Variants in CLSTN2 observed in about 807,000 individuals in gnomAD.
The protein encoded by CLSTN2 is calsyntenin-2.
In CLSTN2, 48 loss-of-function variants were observed where a neutral mutation model predicts 101.2. The ratio of observed to expected loss-of-function variants is 0.47; its 90% CI spans 0.38 to 0.60. The LOEUF is 0.60. CLSTN2 is among the 20% of genes least tolerant of loss of function. The pLI is 0.00. For missense variants in CLSTN2, 1,160 were observed against 1,238.2 expected, an observed-to-expected ratio of 0.94 and a Z score of 0.95; for synonymous variants, 481 against 463.6, an observed-to-expected ratio of 1.04 and a Z score of -0.48.
At chr3:140,517,671 C>G (rs58159053) in intron 8 of CLSTN2, among the ~76,000 whole-genome samples, 2 of 152,044 alleles carry the variant, frequency 1.3e-5, no homozygotes, top group Admixed American at 1.3e-4. Flanking sequence ...TGATGTGAAC[C>G]GTCTTCAGTT....
At chr3:140,250,039 T>G (rs2107874761) in intron 2 of CLSTN2, among the ~76,000 whole-genome samples, 1 of 152,328 alleles carries the variant, frequency 6.6e-6, no homozygotes, top group Non-Finnish European at 1.5e-5. Context: ...TTGCAAATAT[T>G]CCTTTTCAAG....
chr3:140,353,053 A>T (rs1281728524), intron 2 of CLSTN2, among the ~76,000 whole-genome samples: 1 of 152,166 alleles, frequency 6.6e-6, no homozygotes, highest in Non-Finnish European at 1.5e-5. Flanking sequence ...TTTATATTGT[A>T]TCAGATATTA....
chr3:140,354,140 A>T (rs1347332605), intron 2 of CLSTN2, among the ~76,000 whole-genome samples: 6 of 152,198 alleles, frequency 3.9e-5, no homozygotes. Flanking sequence ...GGAGGATGTA[A>T]GGCCAGACAA....
In CLSTN2 at chr3:140,134,150, T is replaced by C. The variant is rs371989224; in HGVS notation, c.110-41801T>C. Among the ~76,000 whole-genome samples the C allele has an allele frequency of 9.2e-5, 14 of 152,304 alleles. No individual in the cohort carries two copies. In the East Asian group the frequency reaches 2.7e-3, roughly 29 times the overall value. ...ATTCTCACCTGGCTTGGAGTCCCAA[T>C]TCCATCGTTTACTTGTGGGATCTCC... On this transcript the variant is annotated intron_variant, in intron 1 of 16. Transcript: ENST00000458420.
chr3:140,008,510 C>T (rs564869757), intron 1 of CLSTN2, among the ~76,000 whole-genome samples: 18 of 152,330 alleles, frequency 1.2e-4, no homozygotes, highest in Middle Eastern at 3.4e-3. Flanking sequence ...GGGCCTGGGA[C>T]GCTATGTGGG....
rs1936099584 is a variant in CLSTN2 at position 139,990,697 on chromosome 3, G to T, written c.109+55214G>T. Among the ~76,000 whole-genome samples, 3 of 152,236 alleles carry T rather than the reference G, an allele frequency of 2.0e-5. 1 individual carries two copies. The highest frequency in any genetic ancestry group is 4.1e-4 in the South Asian group (2 of 4,830). Reference sequence around the variant, plus strand: ...TGAGAGCTGAACAGGTAGATGTCATGTGACACAGATAGGCTAGGAAGGTGC... The same window carrying T: ...TGAGAGCTGAACAGGTAGATGTCATTTGACACAGATAGGCTAGGAAGGTGC... On this transcript the variant is annotated intron_variant, in intron 1 of 16. Coordinates refer to ENST00000458420, the MANE Select transcript of CLSTN2 (RefSeq NM_022131.3).
intron 1 of CLSTN2, among the ~76,000 whole-genome samples, chr3:140,095,634 C>T (rs1333487265): frequency 6.6e-6 from 1 of 152,186 alleles, no homozygotes; most frequent in Non-Finnish European, 1.5e-5. Flanking sequence ...CTACAAACAT[C>T]CCCAGTTCTC....
rs76743845 is a variant in CLSTN2 at position 140,053,938 on chromosome 3, C to T, written c.109+118455C>T. On this transcript the variant is annotated intron_variant, in intron 1 of 16. Transcript: ENST00000458420. ...TGTTTGAATGACTTGTCTGTAGGCACATGTTTGCCAGTTGCCATCTCTGAG... is the reference window on the plus strand; with the variant it reads ...TGTTTGAATGACTTGTCTGTAGGCATATGTTTGCCAGTTGCCATCTCTGAG... Among the ~76,000 whole-genome samples the T allele has an allele frequency of 3.6e-3, 554 of 152,258 alleles. 5 individuals carry two copies. The highest frequency in any genetic ancestry group is 0.012 in the African/African-American group (518 of 41,554).
intron 2 of CLSTN2, among the ~76,000 whole-genome samples, chr3:140,180,146 A>C (rs1164724983): frequency 1.3e-5 from 2 of 152,136 alleles, no homozygotes; most frequent in Non-Finnish European, 2.9e-5. Context: ...GATATAGGAG[A>C]AGTTTAATAA....
Position 140,554,942 on chromosome 3 carries a change from T to A in CLSTN2, c.1675-1571T>A, listed in dbSNP as rs1490276049. Among the ~76,000 whole-genome samples, 3 of 152,374 alleles carry A rather than the reference T, an allele frequency of 2.0e-5. No individual in the cohort carries two copies. In the East Asian group the frequency reaches 5.8e-4, roughly 29 times the overall value. On this transcript the variant is annotated intron_variant, in intron 10 of 16. Transcript: ENST00000458420. The stretch of plus-strand genomic sequence containing the variant: ...AAAATGGAAATCTATATTCACTGAT[T>A]ATATATTTATAAGAATACTTGAGTA...
intron 8 of CLSTN2, among the ~76,000 whole-genome samples, chr3:140,470,541 C>T (rs186029139): frequency 3.3e-5 from 5 of 152,124 alleles, no homozygotes; most frequent in South Asian, 4.2e-4. Context: ...AGGCATGGGG[C>T]GGAAGGAGAA....
At chr3:140,467,386 A>G (rs552013452) in intron 8 of CLSTN2, among the ~76,000 whole-genome samples, 143 of 152,350 alleles carry the variant, frequency 9.4e-4, no homozygotes, top group African/African-American at 3.4e-3. Context: ...CTGTGCCATC[A>G]GGAAGCGTCT....
At chr3:140,144,616 C>CA (rs1039958805) in intron 1 of CLSTN2, among the ~76,000 whole-genome samples, 13 of 146,328 alleles carry the variant, frequency 8.9e-5, no homozygotes, top group Non-Finnish European at 1.5e-4. Flanking sequence ...ACTTCATCTC[C>CA]AAAAAAAAAA....
intron 1 of CLSTN2, among the ~76,000 whole-genome samples, chr3:140,099,401 C>T (rs534719831): frequency 6.6e-6 from 1 of 152,212 alleles, no homozygotes; most frequent in African/African-American, 2.4e-5. Flanking sequence ...CTTCACATGG[C>T]CTTCTCTTCT....
intron 2 of CLSTN2, among the ~76,000 whole-genome samples, chr3:140,364,948 A>G (rs990547616): frequency 2.0e-5 from 3 of 152,140 alleles, no homozygotes; most frequent in African/African-American, 7.2e-5. Context: ...GCAGATAGAA[A>G]ACTAGTAGTT....
At chr3:140,556,991 G>A (rs548568762) in intron 11 of CLSTN2, 14 of 246,778 alleles carry the variant, frequency 5.7e-5, no homozygotes, top group East Asian at 3.8e-4. Context: ...ATTTAAGGGC[G>A]CAGTGCGTGG....
At chr3:140,019,715 G>A (rs2007269646) in intron 1 of CLSTN2, among the ~76,000 whole-genome samples, 1 of 152,168 alleles carries the variant, frequency 6.6e-6, no homozygotes, top group South Asian at 2.1e-4. Context: ...AGGGAGACTG[G>A]GTTGAGGGGA....
intron 2 of CLSTN2, among the ~76,000 whole-genome samples, chr3:140,187,821 G>A (rs1472578506): frequency 6.6e-6 from 1 of 152,160 alleles, no homozygotes; most frequent in Non-Finnish European, 1.5e-5. Context: ...TTACAAGAGG[G>A]CACTGAGCCA....
intron 2 of CLSTN2, among the ~76,000 whole-genome samples, chr3:140,312,572 C>T (rs192348279): frequency 2.0e-4 from 30 of 152,312 alleles, no homozygotes; most frequent in Middle Eastern, 3.4e-3. Flanking sequence ...AGAAAGTCTA[C>T]GCCTTCTTTT....
Sources: allele counts gnomAD v4.1 joint callset (sites outside exome capture counted in the v4.1 genomes callset), GRCh38; gene constraint gnomAD v4.1.1; transcripts MANE v1.5; gene names NCBI Gene and HGNC (gene_info 2026-07-23, HGNC 2026-07-21).